The following NEK4 variants were observed in gnomAD, a reference collection of about 807,000 sequenced individuals.
NEK4 encodes serine/threonine-protein kinase Nek4.
NEK4 carries 86 observed loss-of-function variants against 98.4 expected under a neutral mutation model. That is an observed-to-expected ratio of 0.87 (90% confidence interval 0.73 to 1.05). NEK4 has a LOEUF of 1.05. NEK4 is among the 50% of genes least tolerant of loss of function. The pLI is 0.00. For synonymous variants in NEK4, 328 were observed against 342.2 expected (o/e 0.96, Z 0.46); for missense variants, 898 against 950.3 (o/e 0.94, Z 0.72).
At chr3:52,721,107 C>T (rs1043337083) in intron 15 of NEK4, among the ~76,000 whole-genome samples, 6 of 152,210 alleles carry the variant, frequency 3.9e-5, no homozygotes, top group Admixed American at 6.5e-5. Flanking sequence ...TTCACTTCAG[C>T]CCCAAGCACT....
intron 15 of NEK4, 57 bp downstream of exon 15, chr3:52,737,529 G>C (rs1561300134): frequency 1.4e-5 from 22 of 1,570,226 alleles, no homozygotes; most frequent in Non-Finnish European, 1.9e-5. Flanking sequence ...TATTTCAAAA[G>C]GTTGTTTAAA....
chr3:52,733,318 A>G, intron 15 of NEK4: 1 of 356,868 alleles, frequency 2.8e-6, no homozygotes, highest in Non-Finnish European at 5.6e-6. Context: ...ACAGCAATTC[A>G]AACCTTGCAC....
intron 15 of NEK4, among the ~76,000 whole-genome samples, chr3:52,725,616 G>C (rs1337611145): frequency 3.3e-5 from 5 of 151,966 alleles, no homozygotes; most frequent in African/African-American, 1.2e-4. Context: ...TAAAAGGGTA[G>C]AGTTTTTGTA....
intron 15 of NEK4, among the ~76,000 whole-genome samples, chr3:52,717,038 G>C (rs1023989102): frequency 3.3e-5 from 5 of 152,200 alleles, no homozygotes; most frequent in African/African-American, 1.2e-4. Context: ...CAGGCAAGAA[G>C]TGGGAGCTCC....
At position 52,766,367 on chromosome 3, in the gene NEK4, A is replaced by G. The variant is rs750076497; in HGVS notation, c.369T>C (p.His123=). ...VQIAMALQYL[H]EKHILHRDLK... is the part of the protein sequence containing the mutation. The stretch of plus-strand genomic sequence containing the variant: ...GATCTCGATGAAGGATGTGTTTTTC[A>G]TGTAAATACTGAGGAAAGAAACAAG... Residue 123 remains histidine (H), a synonymous_variant, in exon 3 of 16, where the codon CAT becomes CAC. Transcript: ENST00000233027. 2 of 1,610,836 alleles carry G rather than the reference A, an allele frequency of 1.2e-6. No individual in the cohort carries two copies. Among genetic ancestry groups the G allele is most frequent in the Admixed American group, 1.7e-5 (1 of 59,994 alleles).
chr3:52,741,301 T>A, intron 13 of NEK4, 110 bp downstream of exon 13: 3 of 589,232 alleles, frequency 5.1e-6, no homozygotes, highest in Non-Finnish European at 9.0e-6. Flanking sequence ...AAACCATTTA[T>A]AATTTTATCA....
intron 15 of NEK4, among the ~76,000 whole-genome samples, chr3:52,724,951 TTAAC>T (rs1346858377): frequency 4.6e-5 from 7 of 152,202 alleles, no homozygotes; most frequent in Non-Finnish European, 1.0e-4. Flanking sequence ...GATTTGTTGA[TTAAC>T]AATAAAAAAT....
intron 15 of NEK4, among the ~76,000 whole-genome samples, chr3:52,730,430 T>A (rs560842219): frequency 1.3e-4 from 20 of 152,302 alleles, no homozygotes; most frequent in African/African-American, 4.6e-4. Context: ...TCCTGGTTCA[T>A]TTTATGAGGC....
At position 52,737,877 on chromosome 3, in the gene NEK4, G is replaced by A. The variant is rs548200551; in HGVS notation, c.2300-158C>T. 2.6e-5 allele frequency among the ~76,000 whole-genome samples: 4 copies of A among 152,080 alleles called. No homozygotes were observed. The East Asian group carries it at 5.8e-4, about 22-fold the overall frequency. On this transcript the variant is annotated intron_variant, in intron 14 of 15. Transcript: ENST00000233027. ...CGCCCAGGCTGGAGTGCAGTGGCAC[G>A]ATCTCAGCTCACTGCAAGCTCCACC...
rs1185969308 is a variant in NEK4, at chr3:52,756,691, T to A, written c.963+4104A>T. On this transcript the variant is annotated intron_variant, in intron 6 of 15. Transcript: ENST00000233027. ...AGGCAAAGGCTTCACAACATTGGAT[T>A]TGCCAACGATTTTCTGGATAGGACA... Among the ~76,000 whole-genome samples the A allele has an allele frequency of 2.0e-5, 3 of 152,148 alleles. No individual in the cohort carries two copies. In the East Asian group the frequency reaches 5.8e-4, roughly 29 times the overall value.
chr3:52,753,475 CG>C (rs2097409190), intron 6 of NEK4: 1 of 394,944 alleles, frequency 2.5e-6, no homozygotes, highest in Admixed American at 3.1e-5. Flanking sequence ...ATGCTGAGGA[CG>C]GAAGAGTCTG....
chr3:52,770,887 G>T lies in NEK4; in HGVS notation c.-141C>A, dbSNP rs915999676. 2 of 687,254 alleles carry T rather than the reference G, an allele frequency of 2.9e-6. No individual in the cohort carries two copies. 42.6% of individuals were successfully genotyped at this position (687,254 alleles called of 1,614,324 possible). A position where few individuals can be genotyped will look rare whatever the true frequency, so the allele number is the denominator to read the frequency against. On this transcript the variant is annotated 5_prime_UTR_variant, in exon 1 of 16. Transcript: ENST00000233027. ...AGCCGGGCCCGGGCGGGATTGCTGG[G>T]GCCCGGCCCGCGACGACGCCGCTGC... is the stretch of plus-strand genomic sequence containing the variant.
At position 52,737,579 on chromosome 3, in the gene NEK4, C is replaced by T. The variant is rs532385630; in HGVS notation, c.2433+7G>A. The T allele has an allele frequency of 1.2e-6, 2 of 1,613,558 alleles. No individual in the cohort carries two copies. The highest frequency in any genetic ancestry group is 1.1e-5 in the South Asian group (1 of 91,048). On this transcript the variant is annotated splice_region_variant and intron_variant, in intron 15 of 15. Transcript: ENST00000233027. ...AAGCATCTTGATACAGTTAATGAGACACTCACCTCTCTATCAAATTCATCC... is the reference window on the plus strand; with the variant it reads ...AAGCATCTTGATACAGTTAATGAGATACTCACCTCTCTATCAAATTCATCC...
chr3:52,747,736 C>G (rs1013273821), intron 8 of NEK4, among the ~76,000 whole-genome samples: 1 of 150,298 alleles, frequency 6.7e-6, no homozygotes, highest in Non-Finnish European at 1.5e-5. Flanking sequence ...CTGGAGGCCA[C>G]GAGTTCAAGA....
intron 6 of NEK4, among the ~76,000 whole-genome samples, chr3:52,759,613 C>T (rs1401678244): frequency 6.6e-6 from 1 of 152,154 alleles, no homozygotes; most frequent in Non-Finnish European, 1.5e-5. Flanking sequence ...AACTGGAACT[C>T]TTGTGCACTG....
chr3:52,769,902 T>C (rs960352286), intron 1 of NEK4, among the ~76,000 whole-genome samples: 1 of 152,188 alleles, frequency 6.6e-6, no homozygotes, highest in Admixed American at 6.5e-5. Context: ...GAAAGATCAC[T>C]GAGGCTGCAG....
intron 6 of NEK4, among the ~76,000 whole-genome samples, chr3:52,756,343 A>C (rs371232780): frequency 8.8e-4 from 134 of 152,336 alleles, no homozygotes; most frequent in African/African-American, 3.1e-3. Context: ...CATGATTTTA[A>C]AACATACCAC....
chr3:52,733,681 T>G (rs2097372155), intron 15 of NEK4: 1 of 454,712 alleles, frequency 2.2e-6, no homozygotes, highest in Non-Finnish European at 4.4e-6. Flanking sequence ...GAGAGAAACT[T>G]TACAAATATA....
At chr3:52,748,132 T>C (rs1447896743) in intron 8 of NEK4, among the ~76,000 whole-genome samples, 4 of 150,904 alleles carry the variant, frequency 2.7e-5, no homozygotes, top group African/African-American at 7.3e-5. Flanking sequence ...GCTAATTTTT[T>C]TTTTTTTTGT....
Sources: allele counts gnomAD v4.1 joint callset (sites outside exome capture counted in the v4.1 genomes callset), GRCh38; gene constraint gnomAD v4.1.1; transcripts MANE v1.5; gene names NCBI Gene and HGNC (gene_info 2026-07-23, HGNC 2026-07-21).